Variants in HEPH observed in about 807,000 individuals in gnomAD.
HEPH encodes the protein hephaestin.
HEPH carries 69 observed loss-of-function variants against 80.8 expected under a neutral mutation model. The observed-to-expected ratio is 0.85, with a 90% confidence interval of 0.70 to 1.04. HEPH has a LOEUF of 1.04. Among genes scored for constraint, HEPH ranks in the 50% least tolerant of loss-of-function variants. The pLI, the probability that HEPH is intolerant of heterozygous loss-of-function variation, is 0.00. For synonymous variants in HEPH, 431 were observed against 322.8 expected (o/e 1.34, Z -3.60); for missense variants, 1,115 against 891.3 (o/e 1.25, Z -3.20).
At position 66,266,524 on chromosome X, in the gene HEPH, C is replaced by G. The variant is rs750168109; in HGVS notation, c.3329C>G (p.Ser1110Cys). 4.1e-6 allele frequency: 5 copies of G among 1,209,628 alleles called. No individual in the cohort carries two copies. The highest frequency in any genetic ancestry group is 4.5e-6 in the Non-Finnish European group (4 of 894,460). The change falls in exon 21 of 21, where the codon TCT becomes TGT. Residue 1110 changes from serine (S) to cysteine (C), a missense_variant. Coordinates refer to ENST00000343002, the MANE Select transcript of HEPH (RefSeq NM_001367233.3). ...IPIKNVEMLA[S>C]VLVAISVTLL... ...ATAAAGAATGTTGAGATGCTGGCCT[C>G]TGTTTTGGTTGCCATTAGTGTCACC...
intron 20 of HEPH, among the ~76,000 whole-genome samples, chrX:66,264,138 T>C (rs2091453808): frequency 9.1e-6 from 1 of 109,510 alleles, no homozygotes; most frequent in Non-Finnish European, 1.9e-5. Context: ...AAAAACTACC[T>C]ATTAAGTACA....
chrX:66,235,229 T>A (rs2090314523), intron 15 of HEPH, among the ~76,000 whole-genome samples: 1 of 112,215 alleles, frequency 8.9e-6, no homozygotes, highest in Non-Finnish European at 1.9e-5. Flanking sequence ...TTTTTGCTTT[T>A]GTTGCAATTA....
intron 19 of HEPH, 110 bp from the exon 20 acceptor site, chrX:66,263,534 A>C: frequency 5.0e-6 from 4 of 796,050 alleles, no homozygotes; most frequent in Non-Finnish European, 7.5e-6. Context: ...TATTTTGCTT[A>C]CTTAATCACA....
chrX:66,164,470 G>T lies in HEPH; in HGVS notation c.-14G>T. The T allele has an allele frequency of 1.3e-6, 1 of 753,704 alleles. No individual in the cohort carries two copies. The highest frequency in any genetic ancestry group is 1.6e-6 in the Non-Finnish European group (1 of 638,817). The allele number at this position is 753,704 out of a possible 1,213,427, so 62.1% of individuals were successfully genotyped here. A position where few individuals can be genotyped will look rare whatever the true frequency, so the allele number is the denominator to read the frequency against. On this transcript the variant is annotated splice_region_variant and 5_prime_UTR_variant, in exon 1 of 21. Transcript: ENST00000343002. ...ATATGGAGTAGTTTTCTCTAGCAAA[G>T]GTAAGCTTTCTTTTCTCTCTTTTCA...
chrX:66,215,827 C>T (rs2089362178), intron 15 of HEPH, among the ~76,000 whole-genome samples: 1 of 112,109 alleles, frequency 8.9e-6, no homozygotes, highest in African/African-American at 3.2e-5. Context: ...AGTTGGGAGG[C>T]TTGTAGCCTG....
intron 15 of HEPH, among the ~76,000 whole-genome samples, chrX:66,250,948 A>G (rs180887566): frequency 1.8e-5 from 2 of 112,319 alleles, no homozygotes; most frequent in East Asian, 5.6e-4. Flanking sequence ...TAGTGGCACA[A>G]TCTTGGCTAA....
chrX:66,196,883 A>G (rs1476896344), intron 9 of HEPH, among the ~76,000 whole-genome samples: 2 of 107,570 alleles, frequency 1.9e-5, no homozygotes, highest in African/African-American at 6.8e-5. Context: ...AGCTTTGTCT[A>G]CATTTTGGTG....
At chrX:66,250,914 C>G (rs545739033) in intron 15 of HEPH, among the ~76,000 whole-genome samples, 1 of 111,986 alleles carries the variant, frequency 8.9e-6, no homozygotes, top group South Asian at 3.7e-4. Flanking sequence ...GACAGAGTCT[C>G]GCTCTGTCAC....
At chrX:66,256,068 A>G in intron 16 of HEPH, 37 bp from the exon 17 acceptor site, 1 of 1,105,315 alleles carries the variant, frequency 9.0e-7, no homozygotes, top group African/African-American at 1.8e-5. Context: ...AAACAACTCC[A>G]TCTCTTTCTC....
intron 20 of HEPH, among the ~76,000 whole-genome samples, chrX:66,264,995 C>G (rs754793653): frequency 9.2e-6 from 1 of 109,219 alleles, no homozygotes; most frequent in African/African-American, 3.3e-5. Context: ...GGGAAAAAAG[C>G]CTTTGAAACT....
chrX:66,199,688 A>G (rs1177876598), intron 11 of HEPH, among the ~76,000 whole-genome samples: 1 of 112,239 alleles, frequency 8.9e-6, no homozygotes, highest in Non-Finnish European at 1.9e-5. Context: ...TATATCAGTT[A>G]CAATCCATGG....
chrX:66,256,341 A>G lies in HEPH; in HGVS notation c.2896+11A>G. ...GCAATAAAATGCATGGTCAGTAGTAAAAAACCTACTCTTGTTCCAAAGCAG... is the reference window on the plus strand; with the variant it reads ...GCAATAAAATGCATGGTCAGTAGTAGAAAACCTACTCTTGTTCCAAAGCAG... On this transcript the variant is annotated intron_variant, in intron 17 of 20. Transcript: ENST00000343002. 1 of 1,144,735 alleles carries G rather than the reference A, an allele frequency of 8.7e-7. No homozygotes were observed. The highest frequency in any genetic ancestry group is 1.8e-5 in the South Asian group (1 of 54,402). 94.3% of individuals were successfully genotyped at this position (1,144,735 alleles called of 1,213,427 possible).
upstream of HEPH, among the ~76,000 whole-genome samples, chrX:66,163,224 G>A (rs963280718): frequency 2.7e-5 from 3 of 111,173 alleles, no homozygotes; most frequent in Non-Finnish European, 5.7e-5. Context: ...TACTCCTAGA[G>A]CAAGTGGGGC....
intron 15 of HEPH, among the ~76,000 whole-genome samples, chrX:66,213,596 A>T (rs913760358): frequency 1.8e-5 from 2 of 111,920 alleles, no homozygotes; most frequent in Non-Finnish European, 3.8e-5. Context: ...CTACAACTGG[A>T]TATATTTTTG....
At chrX:66,253,617 T>C (rs1173036173) in intron 15 of HEPH, among the ~76,000 whole-genome samples, 3 of 111,684 alleles carry the variant, frequency 2.7e-5, no homozygotes, top group Non-Finnish European at 5.7e-5. Context: ...TGAAAACATA[T>C]ATCCACATAA....
chrX:66,266,442 G>T lies in HEPH; in HGVS notation c.3247G>T (p.Val1083Leu), dbSNP rs35700738. ...CATTTTTTTTTTCTCCATTTCAGCA[G>T]TGCCCCCCAGAGACATTGAAGAAGG... ...TVITKETEKA[V>L]PPRDIEEGNV... Residue 1083 changes from valine (V) to leucine (L), a missense_variant and splice_region_variant, in exon 21 of 21, where the codon GTG (valine) becomes TTG (leucine). By Grantham distance (32) the Val-to-Leu change is conservative. Transcript: ENST00000343002. 7.0e-3 allele frequency: 8,441 copies of T among 1,200,336 alleles called. 38 individuals are homozygous for T. The highest frequency in any genetic ancestry group is 8.8e-3 in the Non-Finnish European group (7,783 of 889,285).
intron 15 of HEPH, among the ~76,000 whole-genome samples, chrX:66,252,757 A>C (rs1407367325): frequency 8.9e-6 from 1 of 112,505 alleles, no homozygotes; most frequent in Non-Finnish European, 1.9e-5. Context: ...AAGGATAGAC[A>C]GATAGATCAA....
intron 15 of HEPH, among the ~76,000 whole-genome samples, chrX:66,217,787 G>A (rs1182081152): frequency 9.0e-6 from 1 of 111,555 alleles, no homozygotes; most frequent in African/African-American, 3.3e-5. Flanking sequence ...CTGTCTTCAA[G>A]GGACTCACCT....
At chrX:66,221,320 G>A (rs1198958446) in intron 15 of HEPH, among the ~76,000 whole-genome samples, 2 of 112,287 alleles carry the variant, frequency 1.8e-5, no homozygotes, top group African/African-American at 3.2e-5. Context: ...GATACTGGGA[G>A]CAAGGTGGCG....
Sources: gnomAD v4.1 joint callset for allele counts (sites outside exome capture counted in the v4.1 genomes callset) on GRCh38, gnomAD v4.1.1 for gene constraint, MANE v1.5 for transcripts, NCBI Gene and HGNC (gene_info 2026-07-23, HGNC 2026-07-21) for gene names.